The following TECRL variants were observed in gnomAD, a reference collection of about 807,000 sequenced individuals.
TECRL encodes the protein trans-2,3-enoyl-CoA reductase-like.
A neutral mutation model predicts 52.8 loss-of-function variants in TECRL; 63 were observed. That is an observed-to-expected ratio of 1.19 (90% CI 0.97 to 1.47). The LOEUF (loss-of-function observed/expected upper bound fraction) is 1.47. Among genes scored for constraint, TECRL ranks in the 40% most tolerant of loss-of-function variants. The pLI is 0.00. For synonymous variants in TECRL, 164 were observed against 141.9 expected (o/e 1.16, Z -1.10); for missense variants, 482 against 429.6 (o/e 1.12, Z -1.08).
intron 1 of TECRL, among the ~76,000 whole-genome samples, chr4:64,396,373 G>A (rs1358161029): frequency 2.6e-5 from 4 of 152,108 alleles, no homozygotes; most frequent in Admixed American, 2.6e-4. Context: ...GACTATTAAT[G>A]TGTGATGGTT....
At chr4:64,336,690 A>C (rs1719114386) in intron 2 of TECRL, among the ~76,000 whole-genome samples, 1 of 152,136 alleles carries the variant, frequency 6.6e-6, no homozygotes, top group Non-Finnish European at 1.5e-5. Context: ...TGTGTCCCAG[A>C]GATTCTGGTA....
downstream of TECRL, chr4:64,277,077 T>G: frequency 6.8e-7 from 1 of 1,476,390 alleles, no homozygotes. Context: ...AGAAATAAAT[T>G]TAAAAAACAC....
intron 2 of TECRL, among the ~76,000 whole-genome samples, chr4:64,372,875 T>C (rs1263644985): frequency 6.6e-6 from 1 of 151,578 alleles, no homozygotes; most frequent in African/African-American, 2.4e-5. Context: ...CAAATGTGGC[T>C]TTGTAAGTAT....
At chr4:64,387,599 C>A (rs941998290) in intron 1 of TECRL, among the ~76,000 whole-genome samples, 4 of 152,150 alleles carry the variant, frequency 2.6e-5, no homozygotes, top group African/African-American at 9.6e-5. Context: ...TTTGGTTTTT[C>A]TATAAGGTTC....
chr4:64,332,969 C>T (rs368169116), intron 2 of TECRL, among the ~76,000 whole-genome samples: 1 of 151,496 alleles, frequency 6.6e-6, no homozygotes, highest in African/African-American at 2.4e-5. Flanking sequence ...CCAATACTGG[C>T]AAAATATATC....
At chr4:64,296,348 A>T (rs1431813069) in intron 8 of TECRL, among the ~76,000 whole-genome samples, 1 of 151,860 alleles carries the variant, frequency 6.6e-6, no homozygotes, top group Non-Finnish European at 1.5e-5. Flanking sequence ...TTACAAAAAG[A>T]GGTATACCTA....
At chr4:64,305,014 A>C in intron 7 of TECRL, 152 bp downstream of exon 7, 1 of 496,228 alleles carries the variant, frequency 2.0e-6, no homozygotes, top group East Asian at 3.1e-5. Context: ...TTGGTCTTGT[A>C]GGCCTACATA....
At chr4:64,282,011 A>C (rs761406641) in intron 9 of TECRL, among the ~76,000 whole-genome samples, 1 of 151,926 alleles carries the variant, frequency 6.6e-6, no homozygotes, top group Non-Finnish European at 1.5e-5. Context: ...AAATTGGTGA[A>C]AGTCATAAGG....
rs10012755 is a variant in TECRL, at chr4:64,280,982, A to G, written c.964+59T>C. ...AGTACTATAATAACTTTTTCTCAGA[A>G]ACCATTTATCTTAAAGATGCATTTA... On this transcript the variant is annotated intron_variant, in intron 11 of 11. Coordinates refer to ENST00000381210, the MANE Select transcript of TECRL (RefSeq NM_001010874.5). 1,202,737 of 1,280,848 alleles carry G rather than the reference A, an allele frequency of 0.94. 569,650 individuals carry two copies. The highest frequency in any genetic ancestry group is 1 in the East Asian group (42,049 of 42,108). 79.3% of individuals were successfully genotyped at this position (1,280,848 alleles called of 1,614,324 possible). A position where few individuals can be genotyped will look rare whatever the true frequency, so the allele number is the denominator to read the frequency against.
At chr4:64,302,873 T>G (rs1724101982) in intron 7 of TECRL, among the ~76,000 whole-genome samples, 1 of 151,434 alleles carries the variant, frequency 6.6e-6, no homozygotes, top group African/African-American at 2.4e-5. Flanking sequence ...TACTATTTCC[T>G]TTTTTGTTAC....
At chr4:64,303,607 C>T (rs1724145671) in intron 7 of TECRL, among the ~76,000 whole-genome samples, 1 of 151,690 alleles carries the variant, frequency 6.6e-6, no homozygotes, top group Admixed American at 6.6e-5. Flanking sequence ...AGTGGGAATA[C>T]AAACAGTATA....
At chr4:64,297,299 T>C (rs73228565) in intron 8 of TECRL, among the ~76,000 whole-genome samples, 1,766 of 151,502 alleles carry the variant, frequency 0.012, 44 homozygotes, top group African/African-American at 0.04. Context: ...TCTTCTATTA[T>C]CTTCTTACTA....
At chr4:64,280,755 C>T (rs1722782794) in intron 11 of TECRL, among the ~76,000 whole-genome samples, 1 of 152,134 alleles carries the variant, frequency 6.6e-6, no homozygotes, top group Admixed American at 6.6e-5. Context: ...CAAGAAGTTT[C>T]AAGCGAAATG....
chr4:64,340,931 G>A (rs1476685308), intron 2 of TECRL, among the ~76,000 whole-genome samples: 1 of 152,180 alleles, frequency 6.6e-6, no homozygotes, highest in Non-Finnish European at 1.5e-5. Flanking sequence ...CAGCTGCAGA[G>A]AGGAACAACC....
chr4:64,389,163 G>C (rs1188619836), intron 1 of TECRL, among the ~76,000 whole-genome samples: 1 of 151,936 alleles, frequency 6.6e-6, no homozygotes, highest in Non-Finnish European at 1.5e-5. Context: ...CCACACAGCA[G>C]TGGTGAGACT....
intron 8 of TECRL, among the ~76,000 whole-genome samples, chr4:64,293,128 A>G (rs1723483337): frequency 6.6e-6 from 1 of 152,150 alleles, no homozygotes; most frequent in Non-Finnish European, 1.5e-5. Flanking sequence ...ATCTAGAGTT[A>G]TCGTCATAAG....
At chr4:64,307,932 G>A (rs1406569440) in intron 6 of TECRL, among the ~76,000 whole-genome samples, 2 of 152,078 alleles carry the variant, frequency 1.3e-5, no homozygotes, top group South Asian at 4.1e-4. Context: ...TGATAATATG[G>A]GAAGATGGAG....
chr4:64,287,272 T>G (rs2109939289), intron 9 of TECRL, among the ~76,000 whole-genome samples: 1 of 152,302 alleles, frequency 6.6e-6, no homozygotes, highest in East Asian at 1.9e-4. Flanking sequence ...CAATATTATG[T>G]AATGTGTAAT....
At chr4:64,370,258 G>C (rs940738177) in intron 2 of TECRL, among the ~76,000 whole-genome samples, 2 of 151,776 alleles carry the variant, frequency 1.3e-5, no homozygotes, top group Non-Finnish European at 2.9e-5. Flanking sequence ...AAATATGGAT[G>C]TTAAGTATGA....
Sources: gnomAD v4.1 joint callset for allele counts (sites outside exome capture counted in the v4.1 genomes callset) on GRCh38, gnomAD v4.1.1 for gene constraint, MANE v1.5 for transcripts, NCBI Gene and HGNC (gene_info 2026-07-23, HGNC 2026-07-21) for gene names.